The following VAT1L variants were observed in gnomAD, a reference collection of about 807,000 sequenced individuals.
The protein encoded by VAT1L is vesicle amine transport 1 like, also known as putative NADPH-dependent quinone oxidoreductase VAT1L.
A neutral mutation model predicts 44.1 loss-of-function variants in VAT1L; 34 were observed. That is an observed-to-expected ratio of 0.77 (90% CI 0.59 to 1.03). The LOEUF (loss-of-function observed/expected upper bound fraction) is 1.03, where lower values mean the gene tolerates loss of function less well. VAT1L is among the 50% of genes least tolerant of loss of function. The pLI is 0.00. For missense variants in VAT1L, 615 were observed against 538.8 expected (o/e 1.14, Z -1.40); for synonymous variants, 253 against 202.2 (o/e 1.25, Z -2.13).
intron 8 of VAT1L, among the ~76,000 whole-genome samples, chr16:77,973,826 T>C (rs938567013): frequency 6.6e-5 from 10 of 151,660 alleles, no homozygotes; most frequent in African/African-American, 2.2e-4. Context: ...CCCAGGTTAA[T>C]GCCACTCTAC....
intron 7 of VAT1L, among the ~76,000 whole-genome samples, chr16:77,891,003 C>T (rs1452938679): frequency 1.3e-5 from 2 of 151,804 alleles, no homozygotes; most frequent in Non-Finnish European, 2.9e-5. Flanking sequence ...CAGTACGGTA[C>T]CACTGGTCAC....
intron 3 of VAT1L, among the ~76,000 whole-genome samples, chr16:77,843,763 C>G (rs965060243): frequency 2.8e-4 from 43 of 152,210 alleles, no homozygotes; most frequent in African/African-American, 1.0e-3. Context: ...CTGATAAAAA[C>G]TGGTCTAATA....
At chr16:77,833,418 C>T (rs2016602190) in intron 3 of VAT1L, among the ~76,000 whole-genome samples, 2 of 152,202 alleles carry the variant, frequency 1.3e-5, no homozygotes, top group African/African-American at 2.4e-5. Context: ...GGATGATAAG[C>T]AGATAAACTG....
chr16:77,835,081 CTCCATCAAAGCAACTGGTTCTTTT>C (rs775756933), intron 3 of VAT1L, among the ~76,000 whole-genome samples: 1 of 152,172 alleles, frequency 6.6e-6, no homozygotes, highest in Non-Finnish European at 1.5e-5. Context: ...CTATAAGCCC[CTCCATCAAAGCAACTGGTTCTTTT>C]TCTTTTTGTG....
At chr16:77,923,351 G>A (rs965392029) in intron 7 of VAT1L, among the ~76,000 whole-genome samples, 2 of 151,284 alleles carry the variant, frequency 1.3e-5, no homozygotes, top group South Asian at 4.2e-4. Flanking sequence ...TCAGGAGGCT[G>A]AGGCAGGAGA....
intron 7 of VAT1L, among the ~76,000 whole-genome samples, chr16:77,953,973 T>G (rs1199112991): frequency 1.3e-5 from 2 of 152,158 alleles, no homozygotes; most frequent in Non-Finnish European, 2.9e-5. Context: ...GACCATGAAC[T>G]GTGGGTTGCT....
intron 8 of VAT1L, among the ~76,000 whole-genome samples, chr16:77,975,101 A>G (rs1347609215): frequency 6.7e-6 from 1 of 150,294 alleles, no homozygotes; most frequent in African/African-American, 2.4e-5. Context: ...CTCAAGCTCC[A>G]GGCTCCACAG....
chr16:77,955,650 G>C (rs1035501765), intron 7 of VAT1L, among the ~76,000 whole-genome samples: 1 of 151,504 alleles, frequency 6.6e-6, no homozygotes, highest in African/African-American at 2.4e-5. Context: ...TCTTGAACCT[G>C]GGAAGTGGAG....
At chr16:77,942,490 A>G (rs1248202473) in intron 7 of VAT1L, among the ~76,000 whole-genome samples, 2 of 152,044 alleles carry the variant, frequency 1.3e-5, no homozygotes. Flanking sequence ...AATTCTTTGA[A>G]TATATACACA....
intron 7 of VAT1L, among the ~76,000 whole-genome samples, chr16:77,967,962 G>C (rs1357216264): frequency 1.3e-5 from 2 of 152,192 alleles, no homozygotes; most frequent in Non-Finnish European, 2.9e-5. Context: ...AACCACAATT[G>C]TGTCACAATT....
At chr16:77,819,581 C>G (rs913585942) in intron 2 of VAT1L, among the ~76,000 whole-genome samples, 2 of 152,122 alleles carry the variant, frequency 1.3e-5, no homozygotes, top group Non-Finnish European at 2.9e-5. Flanking sequence ...CAGGGTTTCA[C>G]CGTGTTGGCC....
chr16:77,789,048 T>G, intron 1 of VAT1L, 133 bp downstream of exon 1: 52 of 1,078,744 alleles, frequency 4.8e-5, no homozygotes, highest in Middle Eastern at 3.0e-4. Flanking sequence ...CTCACCCGGG[T>G]CTCAGAGCCT....
chr16:77,957,049 G>A (rs1387005746), intron 7 of VAT1L, among the ~76,000 whole-genome samples: 2 of 152,058 alleles, frequency 1.3e-5, no homozygotes, highest in Non-Finnish European at 2.9e-5. Flanking sequence ...TGTGGATTTT[G>A]CCATTGAAAA....
chr16:77,813,727 G>C (rs530926798), intron 1 of VAT1L, among the ~76,000 whole-genome samples: 1 of 151,940 alleles, frequency 6.6e-6, no homozygotes, highest in Non-Finnish European at 1.5e-5. Context: ...TTGCTAAGTC[G>C]TTCTCTTGAT....
At chr16:77,813,588 G>T (rs540618333) in intron 1 of VAT1L, among the ~76,000 whole-genome samples, 1 of 152,204 alleles carries the variant, frequency 6.6e-6, no homozygotes, top group Non-Finnish European at 1.5e-5. Context: ...AGGGAGTTGG[G>T]TTGACTCTGT....
intron 7 of VAT1L, chr16:77,892,590 T>C (rs2017279424): frequency 1.5e-6 from 1 of 645,200 alleles, no homozygotes; most frequent in Non-Finnish European, 3.0e-6. Context: ...CACAGAATTA[T>C]TCCAGGGTTT....
At chr16:77,928,803 G>A (rs17626349) in intron 7 of VAT1L, among the ~76,000 whole-genome samples, 2 of 151,588 alleles carry the variant, frequency 1.3e-5, no homozygotes, top group Non-Finnish European at 2.9e-5. Flanking sequence ...CACTGTGCCA[G>A]TATGCTCTAT....
At chr16:77,916,096 G>A (rs1000137835) in intron 7 of VAT1L, among the ~76,000 whole-genome samples, 10 of 152,218 alleles carry the variant, frequency 6.6e-5, no homozygotes, top group Non-Finnish European at 1.2e-4. Flanking sequence ...GGCAGCATCA[G>A]CAAGAGAAAG....
Position 77,817,026 on chromosome 16 carries a change from G to C in VAT1L, c.339G>C (p.Leu113=), listed in dbSNP as rs374108929. The C allele has an allele frequency of 1.2e-6, 2 of 1,613,832 alleles. No individual in the cohort carries two copies. The highest frequency in any genetic ancestry group is 1.7e-6 in the Non-Finnish European group (2 of 1,179,918). Residue 113 remains leucine, a synonymous_variant, in exon 2 of 9, where the codon CTG becomes CTC. Transcript: ENST00000302536. ...GFECSGIVEA[L]GDSVKGYEIG... ...AGTGTTCTGGGATTGTTGAAGCTCT[G>C]GGGGACAGCGTGAAAGGATATGAGG... is the stretch of plus-strand genomic sequence containing the variant.
Sources: allele counts gnomAD v4.1 joint callset (sites outside exome capture counted in the v4.1 genomes callset), GRCh38; gene constraint gnomAD v4.1.1; transcripts MANE v1.5; gene names NCBI Gene and HGNC (gene_info 2026-07-23, HGNC 2026-07-21).